Variants in NBEA observed in about 807,000 individuals in gnomAD.
The protein encoded by NBEA is lysosomal-trafficking regulator 2.
In NBEA, 44 loss-of-function variants were observed where a neutral mutation model predicts 343.4. That is an observed-to-expected ratio of 0.13 (90% confidence interval 0.10 to 0.16). The LOEUF is 0.16. Among genes scored for constraint, NBEA ranks in the 10% least tolerant of loss-of-function variants. NBEA has a pLI of 1.00. For missense variants in NBEA, 2,555 were observed against 3,631.3 expected, an observed-to-expected ratio of 0.70 and a Z score of 7.62; for synonymous variants, 1,175 against 1,238.7, an observed-to-expected ratio of 0.95 and a Z score of 1.08.
chr13:35,073,831 A>G (rs2063987219), intron 10 of NBEA, among the ~76,000 whole-genome samples: 1 of 152,052 alleles, frequency 6.6e-6, no homozygotes, highest in African/African-American at 2.4e-5. Context: ...AGCCCCAGCT[A>G]CTGGGGAGGC....
intron 18 of NBEA, among the ~76,000 whole-genome samples, chr13:35,154,678 C>T (rs1213300188): frequency 1.3e-5 from 2 of 152,182 alleles, no homozygotes; most frequent in Admixed American, 6.5e-5. Flanking sequence ...ATCCTGCTCC[C>T]ACATTTTAGT....
intron 44 of NBEA, among the ~76,000 whole-genome samples, chr13:35,563,139 A>AT (rs2079953900): frequency 7.6e-6 from 1 of 131,118 alleles, no homozygotes; most frequent in African/African-American, 3.3e-5. Flanking sequence ...GTGGAGATAG[A>AT]TAGATAGATA....
At chr13:35,517,018 T>C (rs2077510390) in intron 41 of NBEA, among the ~76,000 whole-genome samples, 1 of 152,208 alleles carries the variant, frequency 6.6e-6, no homozygotes. Flanking sequence ...TTGTCTATCC[T>C]ATATCTTAAC....
intron 45 of NBEA, among the ~76,000 whole-genome samples, chr13:35,580,038 A>C (rs2080941178): frequency 6.6e-6 from 1 of 152,136 alleles, no homozygotes; most frequent in Admixed American, 6.5e-5. Flanking sequence ...CAATATTGGA[A>C]ACAGTGCCTT....
At chr13:35,556,658 T>C (rs1227441978) in intron 44 of NBEA, among the ~76,000 whole-genome samples, 1 of 152,100 alleles carries the variant, frequency 6.6e-6, no homozygotes, top group Non-Finnish European at 1.5e-5. Flanking sequence ...TTATAAACTA[T>C]TTTTCTTAAT....
chr13:35,482,368 A>G (rs764715115), intron 41 of NBEA, among the ~76,000 whole-genome samples: 1 of 151,562 alleles, frequency 6.6e-6, no homozygotes, highest in African/African-American at 2.4e-5. Context: ...TAATACCTAT[A>G]TAATATTTCA....
intron 40 of NBEA, among the ~76,000 whole-genome samples, chr13:35,458,858 A>G (rs1335797403): frequency 6.6e-6 from 1 of 152,214 alleles, no homozygotes; most frequent in African/African-American, 2.4e-5. Context: ...GCTGTTCTAT[A>G]TCCAATGGAT....
At chr13:35,051,014 A>G (rs188083806) in intron 6 of NBEA, among the ~76,000 whole-genome samples, 70 of 152,142 alleles carry the variant, frequency 4.6e-4, no homozygotes, top group Admixed American at 2.4e-3. Flanking sequence ...GTGCAACTGT[A>G]TGATTAGAAT....
At chr13:35,465,463 G>T (rs1016897291) in intron 40 of NBEA, among the ~76,000 whole-genome samples, 2 of 152,074 alleles carry the variant, frequency 1.3e-5, no homozygotes, top group African/African-American at 4.8e-5. Context: ...CAACCTAGGG[G>T]TGCAAAGATT....
At chr13:35,594,691 G>A (rs149880533) in intron 47 of NBEA, among the ~76,000 whole-genome samples, 1 of 152,034 alleles carries the variant, frequency 6.6e-6, no homozygotes, top group African/African-American at 2.4e-5. Flanking sequence ...GAGGGAGTCT[G>A]TTTCTTATAT....
intron 39 of NBEA, among the ~76,000 whole-genome samples, chr13:35,446,384 A>T (rs191487271): frequency 1.9e-4 from 29 of 152,290 alleles, no homozygotes; most frequent in Admixed American, 1.6e-3. Flanking sequence ...TCCCTGAGGA[A>T]TTGCCTCACT....
At chr13:35,608,620 T>C (rs938101345) in intron 48 of NBEA, among the ~76,000 whole-genome samples, 2 of 152,196 alleles carry the variant, frequency 1.3e-5, no homozygotes, top group Non-Finnish European at 2.9e-5. Flanking sequence ...TAATGAATTA[T>C]AGAGGTGTAG....
chr13:35,242,405 TAA>T (rs2030462403), intron 34 of NBEA, among the ~76,000 whole-genome samples: 1 of 151,718 alleles, frequency 6.6e-6, no homozygotes, highest in Non-Finnish European at 1.5e-5. Context: ...GAACAGAGCC[TAA>T]AGGACCACAT....
chr13:35,333,177 G>A (rs532112258), intron 36 of NBEA, among the ~76,000 whole-genome samples: 6 of 151,772 alleles, frequency 4.0e-5, no homozygotes, highest in Non-Finnish European at 7.4e-5. Context: ...TCATCAAGGG[G>A]GAAAAAAGAT....
chr13:34,991,585 G>A (rs545945182), intron 1 of NBEA, among the ~76,000 whole-genome samples: 11 of 152,236 alleles, frequency 7.2e-5, no homozygotes, highest in East Asian at 3.9e-4. Flanking sequence ...CTCCAACACC[G>A]AGGATTACAA....
At chr13:35,546,494 T>C in intron 41 of NBEA, among the ~76,000 whole-genome samples, 1 of 150,882 alleles carries the variant, frequency 6.6e-6, no homozygotes, top group Non-Finnish European at 1.5e-5. Flanking sequence ...AGTTACATGA[T>C]AACTCTTAAA....
intron 38 of NBEA, among the ~76,000 whole-genome samples, chr13:35,359,494 T>G (rs2040685383): frequency 6.7e-6 from 1 of 150,270 alleles, no homozygotes; most frequent in Admixed American, 6.6e-5. Flanking sequence ...TCTAATTTTC[T>G]ACTTGCTATT....
chr13:35,231,379 A>G (rs1358239337), intron 33 of NBEA, among the ~76,000 whole-genome samples: 1 of 152,108 alleles, frequency 6.6e-6, no homozygotes, highest in Admixed American at 6.6e-5. Context: ...ATGGTTAATT[A>G]CCTTTTTTTC....
At chr13:35,088,299 A>G (rs2064878255) in intron 10 of NBEA, among the ~76,000 whole-genome samples, 1 of 151,948 alleles carries the variant, frequency 6.6e-6, no homozygotes, top group Admixed American at 6.6e-5. Context: ...TAATATAATT[A>G]GGAAAACTCA....
Sources: gnomAD v4.1 joint callset for allele counts (sites outside exome capture counted in the v4.1 genomes callset) on GRCh38, gnomAD v4.1.1 for gene constraint, MANE v1.5 for transcripts, NCBI Gene and HGNC (gene_info 2026-07-23, HGNC 2026-07-21) for gene names.